TERF2: variants seen among roughly 807,000 people sequenced by gnomAD.
TERF2 encodes telomeric repeat binding factor 2, also known as telomeric repeat-binding factor 2.
A neutral mutation model predicts 56.1 loss-of-function variants in TERF2; 16 were observed. That is an observed-to-expected ratio of 0.29 (90% CI 0.19 to 0.43). The LOEUF (loss-of-function observed/expected upper bound fraction) is 0.43, where lower values mean the gene tolerates loss of function less well. TERF2 is among the 20% of genes least tolerant of loss of function. The probability of loss-of-function intolerance (pLI) is 1.00; values close to 1 mark genes in which losing one functional copy is unlikely to be tolerated. For synonymous variants in TERF2, 296 were observed against 282.1 expected (o/e 1.05, Z -0.50); for missense variants, 547 against 712.9 (o/e 0.77, Z 2.65).
Position 69,366,833 on chromosome 16 carries a change from T to C in TERF2, c.1314A>G (p.Gln438=), listed in dbSNP as rs374921081. ...APPSKPTVLN[Q]PLPGEKNPKV... is the part of the protein sequence containing the mutation. ...TGGGATTCTTCTCTCCAGGGAGGGGTTGGTTGAGAACGGTGGGCTTGGATG... is the reference window on the plus strand; with the variant it reads ...TGGGATTCTTCTCTCCAGGGAGGGGCTGGTTGAGAACGGTGGGCTTGGATG... Residue 438 remains glutamine, a synonymous_variant, in exon 7 of 10, where the codon CAA becomes CAG. Coordinates refer to ENST00000254942, the MANE Select transcript of TERF2 (RefSeq NM_005652.5). The C allele has an allele frequency of 9.9e-6, 16 of 1,613,178 alleles. No homozygotes were observed. In the African/African-American group the frequency reaches 1.5e-4, roughly 15 times the overall value.
intron 7 of TERF2, among the ~76,000 whole-genome samples, chr16:69,364,450 G>C (rs3743669): frequency 3.3e-5 from 5 of 151,908 alleles, no homozygotes; most frequent in Non-Finnish European, 5.9e-5. Flanking sequence ...TGTATTTTTT[G>C]AGCATTCCAC....
At position 69,357,574 on chromosome 16, in the gene TERF2, A is replaced by G; in HGVS notation, c.1427-13T>C. 1 of 1,613,224 alleles carries G rather than the reference A, an allele frequency of 6.2e-7. No homozygotes were observed. Among genetic ancestry groups the G allele is most frequent in the Admixed American group, 1.7e-5 (1 of 59,764 alleles). On this transcript the variant is annotated splice_polypyrimidine_tract_variant and intron_variant, in intron 8 of 9. Transcript: ENST00000254942. The stretch of plus-strand genomic sequence containing the variant: ...TCATCTGGTGCTGCTGGAAAACATT[A>G]AAAGTAGACTCATTTCAGAGTTCAC...
chr16:69,375,181 G>A (rs1161850545), intron 3 of TERF2, among the ~76,000 whole-genome samples: 1 of 152,146 alleles, frequency 6.6e-6, no homozygotes, highest in Non-Finnish European at 1.5e-5. Context: ...TGAGATGTCT[G>A]CAATTTATGG....
At position 69,385,476 on chromosome 16, in the gene TERF2, G is replaced by A; in HGVS notation, c.390C>T (p.Val130=). ...QIRDIMQALL[V]RPLGKEHTVS... ...CGGTGTGCTCCTTCCCCAAGGGCCT[G>A]ACAAGCAAAGCTGGGAGAGAAGACA... Residue 130 remains valine, a synonymous_variant, in exon 2 of 10, where the codon GTC becomes GTT. Coordinates refer to ENST00000254942, the MANE Select transcript of TERF2 (RefSeq NM_005652.5). 1.9e-6 allele frequency: 3 copies of A among 1,614,066 alleles called. No individual in the cohort carries two copies. Among genetic ancestry groups the A allele is most frequent in the Non-Finnish European group, 2.5e-6 (3 of 1,180,018 alleles).
rs1337133241 is a variant in TERF2 at position 69,356,274 on chromosome 16, G to C, written c.*624C>G. The C allele has an allele frequency of 4.5e-6, 2 of 441,198 alleles. No homozygotes were observed. The highest frequency in any genetic ancestry group is 1.4e-4 in the East Asian group (2 of 14,144). The allele number at this position is 441,198 out of a possible 1,614,324, so 27.3% of individuals were successfully genotyped here. A position where few individuals can be genotyped will look rare whatever the true frequency, so the allele number is the denominator to read the frequency against. On this transcript the variant is annotated 3_prime_UTR_variant, in exon 10 of 10. Coordinates refer to ENST00000254942, the MANE Select transcript of TERF2 (RefSeq NM_005652.5). ...TAATAGACTTCACCATTTCCTAGGA[G>C]AAGGTTCTACAGATTACCAGGGATT... is the stretch of plus-strand genomic sequence containing the variant.
intron 8 of TERF2, among the ~76,000 whole-genome samples, chr16:69,358,477 C>A (rs1035267765): frequency 6.6e-6 from 1 of 152,084 alleles, no homozygotes; most frequent in Non-Finnish European, 1.5e-5. Flanking sequence ...ACTGAGGGAA[C>A]GTCATATTTA....
chr16:69,372,203 C>A, intron 4 of TERF2, 66 bp downstream of exon 4: 1 of 1,164,834 alleles, frequency 8.6e-7, no homozygotes, highest in South Asian at 1.4e-5. Context: ...GAACCCTTTC[C>A]CTATTTCCCC....
intron 3 of TERF2, among the ~76,000 whole-genome samples, chr16:69,374,432 C>G (rs1034268959): frequency 6.6e-6 from 1 of 151,578 alleles, no homozygotes; most frequent in African/African-American, 2.4e-5. Context: ...GAATTTGAAA[C>G]CAGCCTGGGC....
intron 3 of TERF2, among the ~76,000 whole-genome samples, chr16:69,381,471 T>C (rs997475460): frequency 6.6e-6 from 1 of 151,994 alleles, no homozygotes; most frequent in Non-Finnish European, 1.5e-5. Flanking sequence ...TTAGTCATAC[T>C]TCCTCTTATT....
intron 3 of TERF2, among the ~76,000 whole-genome samples, chr16:69,374,091 T>A (rs959383388): frequency 6.6e-6 from 1 of 152,176 alleles, no homozygotes; most frequent in Non-Finnish European, 1.5e-5. Flanking sequence ...GATGACCATA[T>A]CCATTTATAC....
At chr16:69,384,443 G>T (rs1194267019) in intron 3 of TERF2, 137 bp downstream of exon 3, 1 of 889,612 alleles carries the variant, frequency 1.1e-6, no homozygotes, top group Non-Finnish European at 1.6e-6. Flanking sequence ...AATAACGTCT[G>T]TGTGTGTGCT....
intron 7 of TERF2, 61 bp downstream of exon 7, chr16:69,366,746 T>C (rs779949314): frequency 6.5e-7 from 1 of 1,538,218 alleles, no homozygotes; most frequent in Admixed American, 2.0e-5. Context: ...ACGGAAGTAA[T>C]ACCAGGCCCA....
At position 69,356,043 on chromosome 16, in the gene TERF2, G is replaced by C. The variant is rs2012883946; in HGVS notation, c.*855C>G. ...TTGACAGCAAATGCCAAGGCAGACAGGTCTAGGGTTGATGTCACGACTGGC... is the reference window on the plus strand; with the variant it reads ...TTGACAGCAAATGCCAAGGCAGACACGTCTAGGGTTGATGTCACGACTGGC... On this transcript the variant is annotated 3_prime_UTR_variant, in exon 10 of 10. Transcript: ENST00000254942. 2.7e-6 allele frequency: 1 copy of C among 363,746 alleles called. No homozygotes were observed. Among genetic ancestry groups the C allele is most frequent in the South Asian group, 2.1e-5 (1 of 47,946 alleles). 22.5% of individuals were successfully genotyped at this position (363,746 alleles called of 1,614,324 possible).
At chr16:69,376,387 C>T (rs2013779087) in intron 3 of TERF2, among the ~76,000 whole-genome samples, 1 of 152,130 alleles carries the variant, frequency 6.6e-6, no homozygotes, top group Non-Finnish European at 1.5e-5. Context: ...TAGATGCTCT[C>T]TTCTGTTCTA....
rs1389007118 is a variant in TERF2 at position 69,385,626 on chromosome 16, C to T, written c.346G>A (p.Gly116Arg). ...ATGTCCCGGATCTGTCTGAAGTCCCCGTACCGGCTACCCCGAAAGGCCCGC... is the reference window on the plus strand; with the variant it reads ...ATGTCCCGGATCTGTCTGAAGTCCCTGTACCGGCTACCCCGAAAGGCCCGC... ...ALRAFRGSRY[G>R]DFRQIRDIMQ... Residue 116 changes from glycine to arginine, a missense_variant, in exon 1 of 10, where the codon GGG becomes AGG. Physicochemically the swap from Gly to Arg is moderately radical, Grantham distance 125. Coordinates refer to ENST00000254942, the MANE Select transcript of TERF2 (RefSeq NM_005652.5). 2 of 1,611,782 alleles carry T rather than the reference C, an allele frequency of 1.2e-6. No individual in the cohort carries two copies. The highest frequency in any genetic ancestry group is 1.7e-6 in the Non-Finnish European group (2 of 1,179,460).
Position 69,368,452 on chromosome 16 carries a change from C to T in TERF2, c.871G>A (p.Ala291Thr), listed in dbSNP as rs913202196. 10 of 1,614,060 alleles carry T rather than the reference C, an allele frequency of 6.2e-6. No individual in the cohort carries two copies. Among genetic ancestry groups the T allele is most frequent in the East Asian group, 4.5e-5 (2 of 44,868 alleles). Residue 291 changes from alanine (A) to threonine (T), a missense_variant, in exon 6 of 10, where the codon GCT becomes ACT. Around this residue, in one of 6 missense-constraint regions of TERF2, gnomAD observed 97 missense variants for 157.0 expected, o/e 0.62. Coordinates refer to ENST00000254942, the MANE Select transcript of TERF2 (RefSeq NM_005652.5). ...MAKKALKSES[A>T]ASSTGKEDKQ... Reference sequence around the variant, plus strand: ...TCTTCCTTCCCTGTACTTGAGGCAGCGGACTCAGATTTCAAAGCCTTTTTG... The same window carrying T: ...TCTTCCTTCCCTGTACTTGAGGCAGTGGACTCAGATTTCAAAGCCTTTTTG...
intron 5 of TERF2, chr16:69,368,732 A>G (rs1469213760): frequency 1.2e-5 from 10 of 814,770 alleles, no homozygotes. Flanking sequence ...GCTGCAGCAC[A>G]GTGGTGCAAT....
chr16:69,370,076 G>A (rs1400911421), intron 5 of TERF2: 3 of 196,624 alleles, frequency 1.5e-5, no homozygotes, highest in Non-Finnish European at 3.1e-5. Flanking sequence ...TGTTGTCCAG[G>A]CTGGAGTGCA....
chr16:69,380,683 A>G (rs2013964755), intron 3 of TERF2, among the ~76,000 whole-genome samples: 1 of 151,792 alleles, frequency 6.6e-6, no homozygotes, highest in Non-Finnish European at 1.5e-5. Flanking sequence ...CCATCAGTCT[A>G]TCTTGTAGTT....
Sources: gnomAD v4.1 joint callset for allele counts (sites outside exome capture counted in the v4.1 genomes callset) on GRCh38, gnomAD v4.1.1 for gene constraint, gnomAD v4.1.1 regional missense constraint, MANE v1.5 for transcripts, NCBI Gene and HGNC (gene_info 2026-07-23, HGNC 2026-07-21) for gene names.